The following DTWD2 variants were observed in gnomAD, a reference collection of about 807,000 sequenced individuals.
The protein encoded by DTWD2 is tRNA-uridine aminocarboxypropyltransferase 2.
Under a neutral mutation model 31.8 loss-of-function variants are expected in DTWD2, and 39 were observed. That is an observed-to-expected ratio of 1.22 (90% CI 0.95 to 1.60). The LOEUF is 1.60. DTWD2 is among the 40% of genes most tolerant of loss of function. The probability of loss-of-function intolerance (pLI) is 0.00; values close to 1 mark genes in which losing one functional copy is unlikely to be tolerated. For synonymous variants in DTWD2, 180 were observed against 142.8 expected, an observed-to-expected ratio of 1.26 and a Z score of -1.86; for missense variants, 515 against 381.5, an observed-to-expected ratio of 1.35 and a Z score of -2.92.
At chr5:118,847,319 G>C (rs1580762952) in intron 5 of DTWD2, among the ~76,000 whole-genome samples, 1 of 151,950 alleles carries the variant, frequency 6.6e-6, no homozygotes, top group Non-Finnish European at 1.5e-5. Context: ...TTTGAAGGGG[G>C]AGTTATAAAT....
intron 4 of DTWD2, among the ~76,000 whole-genome samples, chr5:118,921,424 TG>T (rs1753700918): frequency 6.6e-6 from 1 of 150,460 alleles, no homozygotes; most frequent in Non-Finnish European, 1.5e-5. Flanking sequence ...GAGGCTGAGG[TG>T]GGTGGATCGC....
At chr5:118,877,817 C>T (rs191131553) in intron 4 of DTWD2, among the ~76,000 whole-genome samples, 13 of 152,286 alleles carry the variant, frequency 8.5e-5, no homozygotes, top group African/African-American at 2.9e-4. Flanking sequence ...ATCCCAAAAG[C>T]TTAAGCTCAT....
chr5:118,894,908 G>C (rs1275030402), intron 4 of DTWD2, among the ~76,000 whole-genome samples: 3 of 152,056 alleles, frequency 2.0e-5, no homozygotes, highest in Non-Finnish European at 2.9e-5. Flanking sequence ...TTATCACACT[G>C]AATGGGGGAC....
At chr5:118,976,200 G>C (rs1431354473) in intron 1 of DTWD2, among the ~76,000 whole-genome samples, 1 of 152,186 alleles carries the variant, frequency 6.6e-6, no homozygotes, top group East Asian at 1.9e-4. Flanking sequence ...AGCGTTTAGA[G>C]GGAAATTTAT....
At chr5:118,891,497 G>C (rs1752976662) in intron 4 of DTWD2, among the ~76,000 whole-genome samples, 1 of 152,074 alleles carries the variant, frequency 6.6e-6, no homozygotes. Flanking sequence ...AAGTCTACAA[G>C]GCATACACTG....
intron 1 of DTWD2, among the ~76,000 whole-genome samples, chr5:118,986,177 A>C (rs144896492): frequency 2.0e-5 from 3 of 152,278 alleles, no homozygotes; most frequent in African/African-American, 7.2e-5. Flanking sequence ...GAGATCAGCC[A>C]AGGTTTTGTC....
At chr5:118,958,228 G>C (rs1166731468) in intron 1 of DTWD2, among the ~76,000 whole-genome samples, 1 of 152,086 alleles carries the variant, frequency 6.6e-6, no homozygotes, top group Non-Finnish European at 1.5e-5. Context: ...GCCAAGGTGG[G>C]CAGATCATGA....
intron 4 of DTWD2, among the ~76,000 whole-genome samples, chr5:118,854,885 T>C (rs920361895): frequency 2.0e-5 from 3 of 152,144 alleles, no homozygotes; most frequent in Non-Finnish European, 4.4e-5. Flanking sequence ...ATAACTTATA[T>C]GTTGTTCCTT....
chr5:118,957,339 A>C (rs552044798), intron 1 of DTWD2, among the ~76,000 whole-genome samples: 8 of 152,046 alleles, frequency 5.3e-5, no homozygotes, highest in African/African-American at 1.9e-4. Flanking sequence ...CTCCTGCCTC[A>C]GCCTCCCAAG....
rs991298179 is a variant in DTWD2 at position 118,944,412 on chromosome 5, A to C, written c.309+147T>G. 3 of 752,158 alleles carry C rather than the reference A, an allele frequency of 4.0e-6. No homozygotes were observed. The African/African-American group carries it at 5.4e-5, about 13-fold the overall frequency. 46.6% of individuals were successfully genotyped at this position (752,158 alleles called of 1,614,324 possible). ...TATACTATCAGTTGAAATTAAAAAG[A>C]AACTATTTTTTCCAAAAGAGAAAGC... On this transcript the variant is annotated intron_variant, in intron 2 of 5. Transcript: ENST00000510708.
chr5:118,979,181 G>A (rs753347102), intron 1 of DTWD2, among the ~76,000 whole-genome samples: 88 of 152,244 alleles, frequency 5.8e-4, no homozygotes, highest in Non-Finnish European at 1.2e-3. Flanking sequence ...GCGGGCACCT[G>A]TAGTCCCAGC....
At chr5:118,875,716 A>C (rs1376330552) in intron 4 of DTWD2, among the ~76,000 whole-genome samples, 1 of 152,198 alleles carries the variant, frequency 6.6e-6, no homozygotes, top group Non-Finnish European at 1.5e-5. Context: ...TTTATAAAGC[A>C]AGTTCTCAGA....
At position 118,889,745 on chromosome 5, in the gene DTWD2, T is replaced by C. The variant is rs569699336; in HGVS notation, c.597+38792A>G. On this transcript the variant is annotated intron_variant, in intron 4 of 5. Transcript: ENST00000510708. Reference sequence around the variant, plus strand: ...TTAAATCTCAAAAAACGATAGTTTTTTCAACAATTATTTCATTAGTGTGAT... The same window carrying C: ...TTAAATCTCAAAAAACGATAGTTTTCTCAACAATTATTTCATTAGTGTGAT... 8.1e-4 allele frequency among the ~76,000 whole-genome samples: 124 copies of C among 152,270 alleles called. 1 individual carries two copies. Among genetic ancestry groups the C allele is most frequent in the Non-Finnish European group, 1.7e-3 (115 of 68,004 alleles).
intron 1 of DTWD2, among the ~76,000 whole-genome samples, chr5:118,954,918 T>C (rs1355757359): frequency 6.6e-6 from 1 of 152,166 alleles, no homozygotes; most frequent in African/African-American, 2.4e-5. Flanking sequence ...TTTTTATATA[T>C]CAAAGTTTAA....
chr5:118,913,633 T>C (rs1480857840), intron 4 of DTWD2, among the ~76,000 whole-genome samples: 2 of 151,956 alleles, frequency 1.3e-5, no homozygotes, highest in African/African-American at 4.8e-5. Context: ...TGTATCTTCC[T>C]GAAGTTTGTG....
At chr5:118,933,185 A>G (rs529475231) in intron 3 of DTWD2, among the ~76,000 whole-genome samples, 1 of 152,302 alleles carries the variant, frequency 6.6e-6, no homozygotes, top group Non-Finnish European at 1.5e-5. Flanking sequence ...AATCTTCTAA[A>G]AAAGAAATCA....
At chr5:118,875,127 A>C (rs1752592516) in intron 4 of DTWD2, among the ~76,000 whole-genome samples, 1 of 152,170 alleles carries the variant, frequency 6.6e-6, no homozygotes, top group Non-Finnish European at 1.5e-5. Context: ...ATACGGAGAA[A>C]AAAGTAAGAT....
chr5:118,975,841 G>C (rs1561479217), intron 1 of DTWD2, among the ~76,000 whole-genome samples: 2 of 152,284 alleles, frequency 1.3e-5, no homozygotes, highest in East Asian at 1.9e-4. Flanking sequence ...GGACCAAGTA[G>C]ACCTAATAGA....
chr5:118,952,765 T>A (rs1754494951), intron 1 of DTWD2, among the ~76,000 whole-genome samples: 1 of 152,166 alleles, frequency 6.6e-6, no homozygotes, highest in Admixed American at 6.6e-5. Flanking sequence ...TCTGCAATAT[T>A]TACAATATTA....
Sources: allele counts gnomAD v4.1 joint callset (sites outside exome capture counted in the v4.1 genomes callset), GRCh38; gene constraint gnomAD v4.1.1; transcripts MANE v1.5; gene names NCBI Gene and HGNC (gene_info 2026-07-23, HGNC 2026-07-21).